Variants in DPP10 observed in about 807,000 individuals in gnomAD.
The protein encoded by DPP10 is inactive dipeptidyl peptidase 10.
Under a neutral mutation model 120.9 loss-of-function variants are expected in DPP10, and 33 were observed. That is an observed-to-expected ratio of 0.27 (90% CI 0.21 to 0.37). DPP10 has a LOEUF of 0.37. Ranked by LOEUF, DPP10 falls within the 10% of genes least tolerant of loss-of-function variation. The pLI is 1.00. For missense variants in DPP10, 816 were observed against 942.8 expected (o/e 0.87, Z 1.76); for synonymous variants, 337 against 326.1 (o/e 1.03, Z -0.36).
intron 5 of DPP10, among the ~76,000 whole-genome samples, chr2:115,608,240 AT>A (rs755487526): frequency 3.9e-5 from 6 of 151,962 alleles, no homozygotes; most frequent in Non-Finnish European, 7.4e-5. Flanking sequence ...ATACAAAAAT[AT>A]TAGACAGGCA....
At chr2:115,675,249 A>G (rs1412703950) in intron 5 of DPP10, among the ~76,000 whole-genome samples, 1 of 152,200 alleles carries the variant, frequency 6.6e-6, no homozygotes, top group Non-Finnish European at 1.5e-5. Context: ...CAAACTCACT[A>G]TTAAAGTTAT....
At chr2:115,484,841 C>T (rs978616121) in intron 3 of DPP10, among the ~76,000 whole-genome samples, 1 of 152,094 alleles carries the variant, frequency 6.6e-6, no homozygotes, top group Non-Finnish European at 1.5e-5. Flanking sequence ...TTAGTTTTCT[C>T]CCACCTCCTA....
intron 5 of DPP10, among the ~76,000 whole-genome samples, chr2:115,639,562 C>T (rs754412780): frequency 3.3e-5 from 5 of 151,644 alleles, no homozygotes; most frequent in African/African-American, 4.8e-5. Context: ...AGAACCAAAG[C>T]GAAGCAAGAT....
intron 5 of DPP10, among the ~76,000 whole-genome samples, chr2:115,673,721 C>T (rs1340494973): frequency 1.3e-5 from 2 of 152,136 alleles, no homozygotes; most frequent in African/African-American, 4.8e-5. Context: ...GTGCTTTTTA[C>T]TCATATTTTG....
At chr2:114,940,856 G>A (rs1696842968) in intron 1 of DPP10, among the ~76,000 whole-genome samples, 1 of 152,024 alleles carries the variant, frequency 6.6e-6, no homozygotes, top group South Asian at 2.1e-4. Context: ...CTACTCTCTG[G>A]CCTCTTAAAA....
intron 2 of DPP10, among the ~76,000 whole-genome samples, chr2:115,327,402 C>A (rs1259939494): frequency 6.6e-6 from 1 of 151,940 alleles, no homozygotes; most frequent in Non-Finnish European, 1.5e-5. Flanking sequence ...AGGAAAAGCT[C>A]ACTAGAGAAT....
chr2:115,297,677 A>G (rs1200415535), intron 1 of DPP10, among the ~76,000 whole-genome samples: 5 of 152,030 alleles, frequency 3.3e-5, no homozygotes, highest in African/African-American at 1.2e-4. Flanking sequence ...GTTAACTAGA[A>G]ACTACTTCTA....
At chr2:114,709,906 G>A (rs1383971461) in intron 1 of DPP10, among the ~76,000 whole-genome samples, 1 of 152,218 alleles carries the variant, frequency 6.6e-6, no homozygotes, top group Non-Finnish European at 1.5e-5. Flanking sequence ...AGTAGAGAAT[G>A]AGATTAGGAA....
At chr2:115,615,980 G>C (rs1369513486) in intron 5 of DPP10, among the ~76,000 whole-genome samples, 1 of 152,070 alleles carries the variant, frequency 6.6e-6, no homozygotes, top group Non-Finnish European at 1.5e-5. Context: ...ATACAGATTT[G>C]AGAAATTATT....
At chr2:115,804,990 T>G (rs1191724611) in intron 19 of DPP10, among the ~76,000 whole-genome samples, 1 of 152,202 alleles carries the variant, frequency 6.6e-6, no homozygotes, top group South Asian at 2.1e-4. Context: ...CTGCAGAGGT[T>G]ATTGCTGTCT....
intron 5 of DPP10, among the ~76,000 whole-genome samples, chr2:115,650,637 GAC>G (rs1183995692): frequency 6.6e-6 from 1 of 151,966 alleles, no homozygotes; most frequent in Non-Finnish European, 1.5e-5. Context: ...TTCTTAGGAT[GAC>G]ACACAGGTCC....
chr2:115,733,560 A>G (rs2092960404), intron 8 of DPP10, among the ~76,000 whole-genome samples: 1 of 149,572 alleles, frequency 6.7e-6, no homozygotes, highest in South Asian at 2.1e-4. Context: ...CTATTCTTTC[A>G]AGGAATTTGA....
In DPP10 at chr2:115,430,998, C is replaced by CAAGCCA. The variant is rs2070925351; in HGVS notation, c.272-68511_272-68510insAGCCAA. ...ATCCAATCTGCATGCAGTACTCTGCCAGACACATTATATTAGGTTGGTTAA... is the reference window on the plus strand; with the variant it reads ...ATCCAATCTGCATGCAGTACTCTGCCAAGCCAAGACACATTATATTAGGTTGGTTAA... On this transcript the variant is annotated intron_variant, in intron 3 of 25. Coordinates refer to ENST00000410059, the MANE Select transcript of DPP10 (RefSeq NM_020868.6). Among the ~76,000 whole-genome samples, 2 of 152,142 alleles carry CAAGCCA rather than the reference C, an allele frequency of 1.3e-5. 1 individual carries two copies. Among genetic ancestry groups the CAAGCCA allele is most frequent in the South Asian group, 4.1e-4 (2 of 4,828 alleles).
chr2:115,678,023 C>T (rs2090395623), intron 5 of DPP10, among the ~76,000 whole-genome samples: 1 of 152,152 alleles, frequency 6.6e-6, no homozygotes, highest in African/African-American at 2.4e-5. Context: ...GAGCCAAAAA[C>T]AAGTCTCAAT....
intron 3 of DPP10, among the ~76,000 whole-genome samples, chr2:115,352,863 C>A (rs903719187): frequency 4.6e-5 from 7 of 152,194 alleles, no homozygotes; most frequent in Admixed American, 1.3e-4. Context: ...TCCTACATCT[C>A]TCTCTTTACT....
At chr2:114,563,100 G>A (rs747483268) in intron 1 of DPP10, among the ~76,000 whole-genome samples, 2 of 152,182 alleles carry the variant, frequency 1.3e-5, no homozygotes, top group East Asian at 1.9e-4. Flanking sequence ...CTGGCTGGGC[G>A]CAGTGGCTCA....
chr2:115,000,959 GA>G (rs1247861551), intron 1 of DPP10, among the ~76,000 whole-genome samples: 1 of 152,112 alleles, frequency 6.6e-6, no homozygotes, highest in Non-Finnish European at 1.5e-5. Context: ...TTTCAGAGCT[GA>G]AAACAATACG....
intron 3 of DPP10, among the ~76,000 whole-genome samples, chr2:115,359,566 C>G (rs572939289): frequency 1.7e-4 from 26 of 152,256 alleles, no homozygotes; most frequent in African/African-American, 5.8e-4. Flanking sequence ...TTCTTTCACA[C>G]TGACTTTGGA....
At chr2:114,584,097 G>A (rs569558648) in intron 1 of DPP10, among the ~76,000 whole-genome samples, 13 of 152,206 alleles carry the variant, frequency 8.5e-5, no homozygotes, top group East Asian at 1.9e-4. Flanking sequence ...TATTCATTTC[G>A]AAAAGCATGA....
Sources: allele counts gnomAD v4.1 joint callset (sites outside exome capture counted in the v4.1 genomes callset), GRCh38; gene constraint gnomAD v4.1.1; transcripts MANE v1.5; gene names NCBI Gene and HGNC (gene_info 2026-07-23, HGNC 2026-07-21).